Variants in FHIT observed in about 807,000 individuals in gnomAD.
FHIT encodes the protein bis(5'-adenosyl)-triphosphatase.
In FHIT, 19 loss-of-function variants were observed where a neutral mutation model predicts 17.9. That is an observed-to-expected ratio of 1.06 (90% CI 0.74 to 1.56). The LOEUF is 1.56. Ranked by LOEUF, FHIT falls within the 40% of genes most tolerant of loss-of-function variation. The pLI is 0.00. For missense variants in FHIT, 248 were observed against 189.2 expected, an observed-to-expected ratio of 1.31 and a Z score of -1.82; for synonymous variants, 81 against 69.7, an observed-to-expected ratio of 1.16 and a Z score of -0.81.
chr3:60,998,013 C>T lies in FHIT; in HGVS notation c.-111+44034G>A, dbSNP rs9856487. Among the ~76,000 whole-genome samples, 421 of 152,262 alleles carry T rather than the reference C, an allele frequency of 2.8e-3. 3 individuals carry two copies. Among genetic ancestry groups the T allele is most frequent in the Middle Eastern group, 0.024 (7 of 294 alleles). On this transcript the variant is annotated intron_variant, in intron 3 of 9. Transcript: ENST00000492590. ...TCAACTGAATTAAATCTCATGTGAC[C>T]TCTGAGATAAATATCACTTTAGCCA...
intron 5 of FHIT, among the ~76,000 whole-genome samples, chr3:60,457,479 T>G (rs1282923236): frequency 2.0e-5 from 3 of 151,892 alleles, no homozygotes; most frequent in Non-Finnish European, 4.4e-5. Flanking sequence ...ATAAAAACCC[T>G]AGAAGAAAAC....
At chr3:59,878,745 C>T (rs186972864) in intron 8 of FHIT, among the ~76,000 whole-genome samples, 32 of 152,248 alleles carry the variant, frequency 2.1e-4, no homozygotes, top group Middle Eastern at 6.8e-3. Context: ...TAGTTATTGA[C>T]GAGCGTTTAG....
intron 4 of FHIT, among the ~76,000 whole-genome samples, chr3:60,601,763 A>C (rs890633127): frequency 2.2e-4 from 33 of 152,290 alleles, no homozygotes; most frequent in African/African-American, 7.5e-4. Context: ...TTTCCTCATA[A>C]GTGTTTTATA....
At chr3:60,431,801 CAG>C (rs1702917341) in intron 5 of FHIT, among the ~76,000 whole-genome samples, 1 of 152,078 alleles carries the variant, frequency 6.6e-6, no homozygotes, top group Admixed American at 6.6e-5. Context: ...ATGTCCAGCT[CAG>C]AGTCTTCTCT....
intron 5 of FHIT, among the ~76,000 whole-genome samples, chr3:60,455,347 C>G (rs1181768888): frequency 6.6e-6 from 1 of 152,076 alleles, no homozygotes; most frequent in Non-Finnish European, 1.5e-5. Context: ...TCTTTTCCCT[C>G]CATCATTGAG....
intron 5 of FHIT, among the ~76,000 whole-genome samples, chr3:60,465,348 G>A (rs2032725254): frequency 6.6e-6 from 1 of 151,756 alleles, no homozygotes; most frequent in South Asian, 2.1e-4. Flanking sequence ...TTTCAAATTT[G>A]CTCTTCAAAT....
At chr3:60,399,735 A>G (rs1008786443) in intron 5 of FHIT, among the ~76,000 whole-genome samples, 10 of 152,164 alleles carry the variant, frequency 6.6e-5, no homozygotes, top group Non-Finnish European at 2.9e-5. Flanking sequence ...ACCATTTTCA[A>G]CAGCTGTGTG....
intron 3 of FHIT, among the ~76,000 whole-genome samples, chr3:60,864,594 A>G (rs535890538): frequency 2.0e-5 from 3 of 152,202 alleles, no homozygotes; most frequent in Admixed American, 6.6e-5. Flanking sequence ...AGGGCTCTGT[A>G]TTGGCAAGGA....
intron 3 of FHIT, among the ~76,000 whole-genome samples, chr3:60,855,125 A>C (rs189495981): frequency 3.3e-5 from 5 of 152,244 alleles, no homozygotes; most frequent in Middle Eastern, 3.4e-3. Flanking sequence ...CTTAATCCAA[A>C]TGTGACAAAA....
intron 5 of FHIT, among the ~76,000 whole-genome samples, chr3:60,170,369 G>C (rs1701363728): frequency 6.6e-6 from 1 of 152,046 alleles, no homozygotes; most frequent in Admixed American, 6.6e-5. Flanking sequence ...ATGAAGCTTG[G>C]TATCCCCACT....
intron 5 of FHIT, among the ~76,000 whole-genome samples, chr3:60,152,291 G>C (rs534936482): frequency 1.3e-5 from 2 of 152,328 alleles, no homozygotes; most frequent in East Asian, 3.9e-4. Context: ...ATGCACACAT[G>C]TATGTACACA....
chr3:59,869,738 G>A (rs978882630), intron 8 of FHIT, among the ~76,000 whole-genome samples: 17 of 150,954 alleles, frequency 1.1e-4, no homozygotes, highest in African/African-American at 2.0e-4. Context: ...TGCCCACCTC[G>A]GCCTCCCAAA....
intron 7 of FHIT, among the ~76,000 whole-genome samples, chr3:59,987,118 T>C (rs1410058062): frequency 7.0e-6 from 1 of 142,968 alleles, no homozygotes; most frequent in Non-Finnish European, 1.5e-5. Flanking sequence ...CTATATATTT[T>C]ATATAGATAT....
intron 7 of FHIT, among the ~76,000 whole-genome samples, chr3:59,986,255 G>C: frequency 6.6e-6 from 1 of 151,662 alleles, no homozygotes; most frequent in Non-Finnish European, 1.5e-5. Flanking sequence ...TAACTGAGAA[G>C]CTCTCAGTAG....
At chr3:60,117,463 C>G (rs531851158) in intron 5 of FHIT, among the ~76,000 whole-genome samples, 3 of 128,044 alleles carry the variant, frequency 2.3e-5, no homozygotes, top group Non-Finnish European at 3.1e-5. Flanking sequence ...ATATTAAATC[C>G]AGACAGACCC....
At chr3:60,285,293 G>A (rs1707671841) in intron 5 of FHIT, among the ~76,000 whole-genome samples, 1 of 152,050 alleles carries the variant, frequency 6.6e-6, no homozygotes, top group South Asian at 2.1e-4. Context: ...CCAATGTTTT[G>A]AGAGGTGAAT....
intron 3 of FHIT, among the ~76,000 whole-genome samples, chr3:61,037,388 T>C (rs961920465): frequency 2.0e-5 from 3 of 152,184 alleles, no homozygotes; most frequent in Non-Finnish European, 4.4e-5. Flanking sequence ...AATAATAGTG[T>C]TTCCCAAAGC....
At chr3:60,066,584 A>T (rs1702515850) in intron 5 of FHIT, among the ~76,000 whole-genome samples, 1 of 137,854 alleles carries the variant, frequency 7.3e-6, no homozygotes, top group East Asian at 2.4e-4. Context: ...GCCACCTTGT[A>T]CTGTTCACTG....
intron 5 of FHIT, among the ~76,000 whole-genome samples, chr3:60,051,382 A>C (rs1701871975): frequency 6.8e-6 from 1 of 147,586 alleles, no homozygotes; most frequent in Admixed American, 6.9e-5. Flanking sequence ...CAGGCTGCCA[A>C]CTGATCAGAC....
Sources: allele counts gnomAD v4.1 joint callset (sites outside exome capture counted in the v4.1 genomes callset), GRCh38; gene constraint gnomAD v4.1.1; transcripts MANE v1.5; gene names NCBI Gene and HGNC (gene_info 2026-07-23, HGNC 2026-07-21).